KCTD8: variants seen among roughly 807,000 people sequenced by gnomAD.
KCTD8 encodes potassium channel tetramerization domain containing 8.
Under a neutral mutation model 31.5 loss-of-function variants are expected in KCTD8, and 27 were observed. The ratio of observed to expected loss-of-function variants is 0.86; its 90% CI spans 0.63 to 1.18. The LOEUF is 1.18. KCTD8 is among the 50% of genes most tolerant of loss of function. The probability of loss-of-function intolerance (pLI) is 0.00; values close to 1 mark genes in which losing one functional copy is unlikely to be tolerated. For missense variants in KCTD8, 658 were observed against 647.7 expected (o/e 1.02, Z -0.17); for synonymous variants, 290 against 280.0 (o/e 1.04, Z -0.36).
At chr4:44,289,635 G>A (rs1164447563) in intron 1 of KCTD8, among the ~76,000 whole-genome samples, 1 of 152,100 alleles carries the variant, frequency 6.6e-6, no homozygotes, top group Non-Finnish European at 1.5e-5. Context: ...GAAATGTTGG[G>A]ATCCTAGCTA....
chr4:44,228,020 A>C (rs887084982), intron 1 of KCTD8, among the ~76,000 whole-genome samples: 1 of 152,090 alleles, frequency 6.6e-6, no homozygotes, highest in Non-Finnish European at 1.5e-5. Context: ...TTGGCTTCTC[A>C]TTGTCTTTAA....
intron 1 of KCTD8, among the ~76,000 whole-genome samples, chr4:44,346,281 G>A (rs929589626): frequency 3.3e-5 from 5 of 152,140 alleles, no homozygotes; most frequent in African/African-American, 7.2e-5. Flanking sequence ...TGCTGTAACC[G>A]GATGCCCTTG....
intron 1 of KCTD8, among the ~76,000 whole-genome samples, chr4:44,204,785 T>G (rs1459719761): frequency 1.3e-5 from 2 of 152,092 alleles, no homozygotes; most frequent in African/African-American, 2.4e-5. Flanking sequence ...ATAAGATTTT[T>G]AAAATTAAAG....
chr4:44,200,074 G>A (rs1714091537), intron 1 of KCTD8, among the ~76,000 whole-genome samples: 1 of 151,730 alleles, frequency 6.6e-6, no homozygotes, highest in Non-Finnish European at 1.5e-5. Flanking sequence ...ACAAATTCCT[G>A]GAAATATACA....
At chr4:44,264,544 G>A (rs1716278928) in intron 1 of KCTD8, among the ~76,000 whole-genome samples, 1 of 152,160 alleles carries the variant, frequency 6.6e-6, no homozygotes, top group African/African-American at 2.4e-5. Context: ...GCAGGACAGC[G>A]GGTGCAGTGC....
At chr4:44,187,760 G>A (rs1380079973) in intron 1 of KCTD8, among the ~76,000 whole-genome samples, 2 of 152,066 alleles carry the variant, frequency 1.3e-5, no homozygotes, top group African/African-American at 2.4e-5. Flanking sequence ...TGGTGGCTCC[G>A]GGAGGGAAAA....
chr4:44,298,068 A>T (rs1434133277), intron 1 of KCTD8, among the ~76,000 whole-genome samples: 1 of 152,184 alleles, frequency 6.6e-6, no homozygotes, highest in East Asian at 1.9e-4. Flanking sequence ...ACAGTATCTG[A>T]TGCAGAGTTT....
At chr4:44,270,982 A>G (rs540507375) in intron 1 of KCTD8, among the ~76,000 whole-genome samples, 2 of 152,178 alleles carry the variant, frequency 1.3e-5, no homozygotes, top group African/African-American at 4.8e-5. Context: ...GAGGTATCCT[A>G]CAAGTTGACT....
At chr4:44,358,574 T>TA (rs903509951) in intron 1 of KCTD8, among the ~76,000 whole-genome samples, 3 of 151,672 alleles carry the variant, frequency 2.0e-5, no homozygotes, top group Non-Finnish European at 4.4e-5. Context: ...TGACTTTTTT[T>TA]TTTTTCTTTT....
At position 44,247,285 on chromosome 4, in the gene KCTD8, AT is replaced by A. The variant is rs541913432; in HGVS notation, c.962-72036del. Among the ~76,000 whole-genome samples, 17 of 152,034 alleles carry A rather than the reference AT, an allele frequency of 1.1e-4. No homozygotes were observed. The South Asian group carries it at 3.5e-3, about 32-fold the overall frequency. ...AGGGAAAAAAAAGCATCTTAGAACC[AT>A]TTTTGGTGATCCACATTTTCCCCAT... On this transcript the variant is annotated intron_variant, in intron 1 of 1. Coordinates refer to ENST00000360029, the MANE Select transcript of KCTD8 (RefSeq NM_198353.3).
chr4:44,291,362 A>C (rs983422465), intron 1 of KCTD8, among the ~76,000 whole-genome samples: 8 of 152,102 alleles, frequency 5.3e-5, no homozygotes, highest in Non-Finnish European at 1.0e-4. Context: ...TTTTCCAAAA[A>C]ATTGTCAAAA....
In KCTD8 at chr4:44,185,912, A is replaced by T. The variant is rs76677882; in HGVS notation, c.962-10662T>A. On this transcript the variant is annotated intron_variant, in intron 1 of 1. Coordinates refer to ENST00000360029, the MANE Select transcript of KCTD8 (RefSeq NM_198353.3). The stretch of plus-strand genomic sequence containing the variant: ...ACACACACAAAACACATACACACTA[A>T]TATAGTTAATACTGGAGCGGGACAG... Among the ~76,000 whole-genome samples the T allele has an allele frequency of 3.2e-3, 486 of 152,274 alleles. 17 individuals are homozygous for T. The East Asian group carries it at 0.076, about 24-fold the overall frequency.
chr4:44,212,718 T>A (rs1714526515), intron 1 of KCTD8, among the ~76,000 whole-genome samples: 1 of 152,190 alleles, frequency 6.6e-6, no homozygotes, highest in South Asian at 2.1e-4. Context: ...AATTTATGTT[T>A]CCTTATGTTT....
chr4:44,298,409 C>A (rs2109390239), intron 1 of KCTD8, among the ~76,000 whole-genome samples: 1 of 150,790 alleles, frequency 6.6e-6, no homozygotes, highest in East Asian at 2.0e-4. Flanking sequence ...ATGATCTGCC[C>A]CCCCCACCTC....
intron 1 of KCTD8, among the ~76,000 whole-genome samples, chr4:44,313,320 T>C (rs975158860): frequency 1.3e-5 from 2 of 152,190 alleles, no homozygotes; most frequent in African/African-American, 4.8e-5. Context: ...GATATTTCTC[T>C]GGGGTTACAG....
intron 1 of KCTD8, among the ~76,000 whole-genome samples, chr4:44,423,775 A>G (rs200991657): frequency 0.022 from 3,313 of 152,258 alleles, 75 homozygotes; most frequent in African/African-American, 0.053. Flanking sequence ...AAACATAAAA[A>G]AAGAATGTTT....
intron 1 of KCTD8, among the ~76,000 whole-genome samples, chr4:44,243,909 C>T (rs1715576210): frequency 6.6e-6 from 1 of 152,198 alleles, no homozygotes; most frequent in African/African-American, 2.4e-5. Flanking sequence ...TTCTGTGCCA[C>T]AGCTTTTTAC....
intron 1 of KCTD8, among the ~76,000 whole-genome samples, chr4:44,242,422 CA>C (rs1715530720): frequency 6.6e-6 from 1 of 151,706 alleles, no homozygotes; most frequent in African/African-American, 2.4e-5. Context: ...ACTAAAAATA[CA>C]AAAAATTAGC....
chr4:44,257,040 T>C (rs551031345), intron 1 of KCTD8, among the ~76,000 whole-genome samples: 3 of 152,114 alleles, frequency 2.0e-5, no homozygotes, highest in Admixed American at 2.0e-4. Flanking sequence ...CTAATTTACA[T>C]AACATTTTAA....
Sources: gnomAD v4.1 joint callset for allele counts (sites outside exome capture counted in the v4.1 genomes callset) on GRCh38, gnomAD v4.1.1 for gene constraint, MANE v1.5 for transcripts, NCBI Gene and HGNC (gene_info 2026-07-23, HGNC 2026-07-21) for gene names.